Variants in RBFOX1 observed in about 807,000 individuals in gnomAD.
RBFOX1 encodes the protein RNA binding protein fox-1 homolog 1.
RBFOX1 carries 8 observed loss-of-function variants against 57.7 expected under a neutral mutation model. That is an observed-to-expected ratio of 0.14 (90% CI 0.08 to 0.25). The LOEUF (loss-of-function observed/expected upper bound fraction) is 0.25. Among genes scored for constraint, RBFOX1 ranks in the 10% least tolerant of loss-of-function variants. The pLI is 1.00. For synonymous variants in RBFOX1, 326 were observed against 222.4 expected, an observed-to-expected ratio of 1.47 and a Z score of -4.15; for missense variants, 611 against 548.5, an observed-to-expected ratio of 1.11 and a Z score of -1.14.
chr16:6,205,400 T>A (rs1206711450), intron 1 of RBFOX1, among the ~76,000 whole-genome samples: 1 of 152,250 alleles, frequency 6.6e-6, no homozygotes, highest in Admixed American at 6.5e-5. Context: ...AAGGTTGTCG[T>A]GACAAAGTAA....
chr16:5,274,207 G>A (rs190504996), intron 1 of RBFOX1, among the ~76,000 whole-genome samples: 2 of 152,128 alleles, frequency 1.3e-5, no homozygotes, highest in Non-Finnish European at 1.5e-5. Context: ...GAAGAAGAAG[G>A]TTCCAGCATC....
At chr16:6,226,301 A>T (rs1035528338) in intron 1 of RBFOX1, among the ~76,000 whole-genome samples, 3 of 135,204 alleles carry the variant, frequency 2.2e-5, no homozygotes, top group South Asian at 2.5e-4. Context: ...TGAACCCGGG[A>T]GGTGGAGGTT....
At chr16:7,338,845 C>T (rs1489451511) in intron 4 of RBFOX1, among the ~76,000 whole-genome samples, 1 of 152,164 alleles carries the variant, frequency 6.6e-6, no homozygotes, top group African/African-American at 2.4e-5. Flanking sequence ...TTGTTTGGCT[C>T]TGTGGCTGGC....
chr16:5,776,467 C>T (rs771824079), intron 3 of RBFOX1, among the ~76,000 whole-genome samples: 6 of 152,170 alleles, frequency 3.9e-5, no homozygotes, highest in Non-Finnish European at 1.5e-5. Context: ...CCTTCTGGAA[C>T]TGGGCTGAGC....
chr16:6,046,653 A>C (rs1246936663), intron 1 of RBFOX1, among the ~76,000 whole-genome samples: 1 of 152,222 alleles, frequency 6.6e-6, no homozygotes, highest in Non-Finnish European at 1.5e-5. Context: ...TAGGGAGGCA[A>C]CTTTGGATCC....
rs944577248 is a variant in RBFOX1, at chr16:7,489,524, T to C, written c.28-28623T>C. Among the ~76,000 whole-genome samples, 892 of 152,098 alleles carry C rather than the reference T, an allele frequency of 5.9e-3. 12 individuals are homozygous for C. Among genetic ancestry groups the C allele is most frequent in the African/African-American group, 0.021 (869 of 41,454 alleles). On this transcript the variant is annotated intron_variant, in intron 4 of 15. Coordinates refer to ENST00000550418, the MANE Select transcript of RBFOX1 (RefSeq NM_018723.4). ...GAGAATTATTATTATTATTTTTTTT[T>C]TGAGATAGAGTCTTGCTCTGTCACT...
At chr16:6,098,426 C>T (rs1206193534) in intron 1 of RBFOX1, among the ~76,000 whole-genome samples, 1 of 152,224 alleles carries the variant, frequency 6.6e-6, no homozygotes, top group Non-Finnish European at 1.5e-5. Flanking sequence ...TGCACTGCCT[C>T]CTAAATTAGC....
intron 2 of RBFOX1, among the ~76,000 whole-genome samples, chr16:6,332,710 C>A (rs1168948845): frequency 6.6e-6 from 1 of 152,144 alleles, no homozygotes; most frequent in Non-Finnish European, 1.5e-5. Flanking sequence ...AATTCCCTCT[C>A]CTAACCATTT....
At chr16:7,496,238 G>C (rs938776921) in intron 4 of RBFOX1, among the ~76,000 whole-genome samples, 1 of 152,162 alleles carries the variant, frequency 6.6e-6, no homozygotes, top group Non-Finnish European at 1.5e-5. Context: ...CCATCTCCCA[G>C]TTCAAGTGAT....
intron 3 of RBFOX1, among the ~76,000 whole-genome samples, chr16:6,877,646 G>C (rs954004530): frequency 6.6e-6 from 1 of 152,080 alleles, no homozygotes. Flanking sequence ...GCATTTTTAC[G>C]GACAAGCCCA....
At chr16:5,910,928 C>G (rs1158940537) in intron 4 of RBFOX1, among the ~76,000 whole-genome samples, 1 of 152,176 alleles carries the variant, frequency 6.6e-6, no homozygotes, top group Admixed American at 6.5e-5. Context: ...AACTCTGACT[C>G]TCCTCCCTGT....
In RBFOX1 at chr16:6,615,601, T is replaced by C. The variant is rs141136952; in HGVS notation, c.-63-39002T>C. Among the ~76,000 whole-genome samples, 1,228 of 151,988 alleles carry C rather than the reference T, an allele frequency of 8.1e-3. 16 individuals carry two copies. The highest frequency in any genetic ancestry group is 0.028 in the African/African-American group (1,170 of 41,462). ...AAAAAAAATCCTCTGTCCCAATAAA[T>C]ATGGCCACAGGAAAATTCCTCATTT... On this transcript the variant is annotated intron_variant, in intron 2 of 15. Transcript: ENST00000550418.
At chr16:5,854,290 T>C (rs1050277274) in intron 3 of RBFOX1, among the ~76,000 whole-genome samples, 2 of 152,226 alleles carry the variant, frequency 1.3e-5, no homozygotes, top group Non-Finnish European at 2.9e-5. Flanking sequence ...CCAGAACTTA[T>C]CCTGCGTAAC....
At chr16:7,298,592 C>T (rs1429651925) in intron 4 of RBFOX1, among the ~76,000 whole-genome samples, 2 of 152,088 alleles carry the variant, frequency 1.3e-5, no homozygotes, top group African/African-American at 2.4e-5. Flanking sequence ...ATGCCCAGCC[C>T]AAAATTTGTG....
chr16:5,951,871 T>C (rs1420837569), intron 4 of RBFOX1, among the ~76,000 whole-genome samples: 2 of 151,968 alleles, frequency 1.3e-5, no homozygotes, highest in Non-Finnish European at 2.9e-5. Context: ...TGTGTATATA[T>C]GTGTTTGTGT....
intron 4 of RBFOX1, among the ~76,000 whole-genome samples, chr16:7,192,273 A>T (rs151120061): frequency 1.3e-5 from 2 of 152,148 alleles, no homozygotes; most frequent in Non-Finnish European, 2.9e-5. Flanking sequence ...GCAAGGAGAG[A>T]GAGTTTCCTT....
rs183611522 is a variant in RBFOX1 at position 7,240,677 on chromosome 16, C to T, written c.27+188579C>T. On this transcript the variant is annotated intron_variant, in intron 4 of 15. Transcript: ENST00000550418. Reference sequence around the variant, plus strand: ...TCAAGTGATCCTCCCATCTCAGTCTCCTGAGTAGCTAGGACTAGAGGCATT... The same window carrying T: ...TCAAGTGATCCTCCCATCTCAGTCTTCTGAGTAGCTAGGACTAGAGGCATT... Among the ~76,000 whole-genome samples, 7 of 152,198 alleles carry T rather than the reference C, an allele frequency of 4.6e-5. No homozygotes were observed. The East Asian group carries it at 1.4e-3, about 30-fold the overall frequency.
At chr16:5,481,186 G>T (rs2069528396) in intron 2 of RBFOX1, among the ~76,000 whole-genome samples, 1 of 152,182 alleles carries the variant, frequency 6.6e-6, no homozygotes, top group African/African-American at 2.4e-5. Context: ...ATGTTGAGTT[G>T]ATTTTTCTTT....
At chr16:7,494,325 C>A (rs2067887105) in intron 4 of RBFOX1, among the ~76,000 whole-genome samples, 1 of 152,150 alleles carries the variant, frequency 6.6e-6, no homozygotes, top group Non-Finnish European at 1.5e-5. Flanking sequence ...TTTGGGGAGA[C>A]CATCTCTGGC....
Sources: gnomAD v4.1 joint callset for allele counts (sites outside exome capture counted in the v4.1 genomes callset) on GRCh38, gnomAD v4.1.1 for gene constraint, MANE v1.5 for transcripts, NCBI Gene and HGNC (gene_info 2026-07-23, HGNC 2026-07-21) for gene names.